The following FAM135B variants were observed in gnomAD, a reference collection of about 807,000 sequenced individuals.
FAM135B encodes protein FAM135B.
In FAM135B, 43 loss-of-function variants were observed where a neutral mutation model predicts 127.7. That is an observed-to-expected ratio of 0.34 (90% CI 0.26 to 0.43). The LOEUF (loss-of-function observed/expected upper bound fraction) is 0.43, where lower values mean the gene tolerates loss of function less well. Ranked by LOEUF, FAM135B falls within the 20% of genes least tolerant of loss-of-function variation. The pLI, the probability that FAM135B is intolerant of heterozygous loss-of-function variation, is 1.00. For synonymous variants in FAM135B, 670 were observed against 665.1 expected (o/e 1.01, Z -0.11); for missense variants, 1,558 against 1,725.6 (o/e 0.90, Z 1.72).
chr8:138,293,480 G>C (rs1386269711), intron 3 of FAM135B, among the ~76,000 whole-genome samples: 1 of 152,042 alleles, frequency 6.6e-6, no homozygotes, highest in Non-Finnish European at 1.5e-5. Flanking sequence ...CAGAATGGGA[G>C]AAAACATTTG....
chr8:138,131,814 A>G lies in FAM135B; in HGVS notation c.*779T>C, dbSNP rs1276978233. On this transcript the variant is annotated 3_prime_UTR_variant, in exon 20 of 20. Transcript: ENST00000395297. ...TCTCACTCAGTGTTCCCTACTACAG[A>G]CAAAGATGTAAGCAATCACTAAAAT... The G allele has an allele frequency of 6.6e-6, 1 of 152,652 alleles. No individual in the cohort carries two copies. The highest frequency in any genetic ancestry group is 1.5e-5 in the Non-Finnish European group (1 of 68,072). 9.5% of individuals were successfully genotyped at this position (152,652 alleles called of 1,614,324 possible).
intron 1 of FAM135B, among the ~76,000 whole-genome samples, chr8:138,381,371 GTCCAATCTAGCTTT>G (rs1359360103): frequency 6.6e-6 from 1 of 152,116 alleles, no homozygotes; most frequent in Non-Finnish European, 1.5e-5. Flanking sequence ...ATCCTTAAAT[GTCCAATCTAGCTTT>G]TCCAGGAAGC....
intron 3 of FAM135B, among the ~76,000 whole-genome samples, chr8:138,286,346 TAGA>T (rs1350658133): frequency 3.3e-5 from 5 of 152,254 alleles, no homozygotes; most frequent in African/African-American, 1.2e-4. Context: ...TGGTGTCAGG[TAGA>T]AGGAGATTAA....
intron 1 of FAM135B, among the ~76,000 whole-genome samples, chr8:138,495,540 G>A (rs944013005): frequency 5.3e-5 from 8 of 152,244 alleles, no homozygotes; most frequent in Middle Eastern, 3.4e-3. Context: ...ACTGTCCCCC[G>A]AGGCCACGAT....
At chr8:138,221,449 G>A (rs540924227) in intron 7 of FAM135B, among the ~76,000 whole-genome samples, 114 of 152,198 alleles carry the variant, frequency 7.5e-4, no homozygotes, top group South Asian at 2.3e-3. Flanking sequence ...TCCAACACTG[G>A]GGATTAGAAT....
At chr8:138,193,461 G>T (rs1250129178) in intron 9 of FAM135B, among the ~76,000 whole-genome samples, 1 of 152,206 alleles carries the variant, frequency 6.6e-6, no homozygotes, top group African/African-American at 2.4e-5. Context: ...TGGGCGTATT[G>T]ACAAATAGTC....
chr8:138,343,777 C>G (rs1436880512), intron 2 of FAM135B, among the ~76,000 whole-genome samples: 1 of 152,222 alleles, frequency 6.6e-6, no homozygotes, highest in Non-Finnish European at 1.5e-5. Context: ...ATTCTTGCAT[C>G]TCCCTGCCTG....
At chr8:138,379,580 T>C (rs16909024) in intron 1 of FAM135B, among the ~76,000 whole-genome samples, 4 of 151,988 alleles carry the variant, frequency 2.6e-5, no homozygotes, top group East Asian at 1.9e-4. Context: ...GGGAAAGACA[T>C]AGGCAACGTC....
chr8:138,388,875 G>C (rs1279692429), intron 1 of FAM135B, among the ~76,000 whole-genome samples: 2 of 152,170 alleles, frequency 1.3e-5, no homozygotes, highest in Non-Finnish European at 2.9e-5. Flanking sequence ...AACACCACGA[G>C]TGCATCCCAA....
At chr8:138,170,291 C>T (rs997477840) in intron 11 of FAM135B, among the ~76,000 whole-genome samples, 3 of 147,434 alleles carry the variant, frequency 2.0e-5, no homozygotes, top group Admixed American at 6.9e-5. Flanking sequence ...GGCACAATCT[C>T]GGCTCACCGC....
At chr8:138,247,140 T>G (rs752870575) in intron 6 of FAM135B, among the ~76,000 whole-genome samples, 1 of 152,200 alleles carries the variant, frequency 6.6e-6, no homozygotes. Flanking sequence ...TTGTCTCAGA[T>G]GAGACTTCGG....
At chr8:138,159,675 C>A (rs193000859) in intron 12 of FAM135B, among the ~76,000 whole-genome samples, 2 of 152,048 alleles carry the variant, frequency 1.3e-5, no homozygotes, top group Admixed American at 1.3e-4. Flanking sequence ...TTAATGGGTG[C>A]AGCACACCAA....
intron 6 of FAM135B, among the ~76,000 whole-genome samples, chr8:138,248,625 G>T (rs980079156): frequency 1.3e-5 from 2 of 151,926 alleles, no homozygotes; most frequent in African/African-American, 2.4e-5. Flanking sequence ...TTTGAGACCA[G>T]TATGAGCAAC....
intron 2 of FAM135B, among the ~76,000 whole-genome samples, chr8:138,344,715 A>G (rs1181214835): frequency 1.3e-5 from 2 of 151,686 alleles, no homozygotes; most frequent in African/African-American, 4.8e-5. Context: ...AGCTGGGACT[A>G]CAGGTGCCTG....
intron 3 of FAM135B, among the ~76,000 whole-genome samples, chr8:138,309,858 C>CTTTTTTTTTTTTT (rs145453026): frequency 1.2e-5 from 1 of 86,788 alleles, no homozygotes; most frequent in Non-Finnish European, 2.2e-5. Flanking sequence ...AGTCTTTCTA[C>CTTTTTTTTTTTTT]TTTTTTTTTT....
chr8:138,230,770 C>T (rs1819846846), intron 7 of FAM135B, among the ~76,000 whole-genome samples: 1 of 152,112 alleles, frequency 6.6e-6, no homozygotes, highest in Non-Finnish European at 1.5e-5. Flanking sequence ...CCTACAGCAC[C>T]AGAGGCCAAA....
chr8:138,447,276 A>G (rs560250535), intron 1 of FAM135B, among the ~76,000 whole-genome samples: 2 of 152,244 alleles, frequency 1.3e-5, no homozygotes, highest in Non-Finnish European at 2.9e-5. Context: ...AACTAGAAAT[A>G]CCATTTGACC....
rs543689820 is a variant in FAM135B at position 138,263,486 on chromosome 8, A to C, written c.297+2217T>G. ...GCACATAGCAGGTGGGACAGCAGAG[A>C]GGGGAAACGGCCAAGTAGTCGAAAG... is the stretch of plus-strand genomic sequence containing the variant. On this transcript the variant is annotated intron_variant, in intron 4 of 19. Transcript: ENST00000395297. Among the ~76,000 whole-genome samples, 34 of 152,316 alleles carry C rather than the reference A, an allele frequency of 2.2e-4. No homozygotes were observed. In the South Asian group the frequency reaches 6.8e-3, roughly 31 times the overall value.
rs1409514476 is a variant in FAM135B, at chr8:138,178,522, G to A, written c.1029+13C>T. 2 of 1,612,926 alleles carry A rather than the reference G, an allele frequency of 1.2e-6. No individual in the cohort carries two copies. Among genetic ancestry groups the A allele is most frequent in the Non-Finnish European group, 1.7e-6 (2 of 1,179,842 alleles). ...GCATGTGATCAGAGAATGCACAGCA[G>A]TTGGCCACTCACCCTCAGGGTGTGG... is the stretch of plus-strand genomic sequence containing the variant. On this transcript the variant is annotated intron_variant, in intron 10 of 19. Coordinates refer to ENST00000395297, the MANE Select transcript of FAM135B (RefSeq NM_015912.4).
Sources: gnomAD v4.1 joint callset for allele counts (sites outside exome capture counted in the v4.1 genomes callset) on GRCh38, gnomAD v4.1.1 for gene constraint, MANE v1.5 for transcripts, NCBI Gene and HGNC (gene_info 2026-07-23, HGNC 2026-07-21) for gene names.